Variants in DPP6 observed in about 807,000 individuals in gnomAD.
The protein encoded by DPP6 is A-type potassium channel modulatory protein DPP6.
Under a neutral mutation model 122.6 loss-of-function variants are expected in DPP6, and 69 were observed. The ratio of observed to expected loss-of-function variants is 0.56; its 90% CI spans 0.46 to 0.69. DPP6 has a LOEUF of 0.69. Ranked by LOEUF, DPP6 falls within the 30% of genes least tolerant of loss-of-function variation. The pLI, the probability that DPP6 is intolerant of heterozygous loss-of-function variation, is 0.00. For missense variants in DPP6, 928 were observed against 1,116.9 expected (o/e 0.83, Z 2.41); for synonymous variants, 418 against 433.1 (o/e 0.97, Z 0.43).
At chr7:154,719,817 T>C (rs1841701263) in intron 7 of DPP6, among the ~76,000 whole-genome samples, 1 of 152,222 alleles carries the variant, frequency 6.6e-6, no homozygotes, top group African/African-American at 2.4e-5. Context: ...CTTCTGAGGC[T>C]GTGCCGATTG....
chr7:154,049,851 C>T (rs894569855), upstream of DPP6, among the ~76,000 whole-genome samples: 7 of 151,814 alleles, frequency 4.6e-5, no homozygotes, highest in South Asian at 4.2e-4. Flanking sequence ...TCCCAAAGTG[C>T]TGGGATTACA....
At chr7:154,120,403 C>T (rs376254365) in intron 1 of DPP6, among the ~76,000 whole-genome samples, 2 of 152,052 alleles carry the variant, frequency 1.3e-5, no homozygotes, top group East Asian at 3.9e-4. Context: ...CGCCACCATG[C>T]CCAGCTAATT....
intron 3 of DPP6, among the ~76,000 whole-genome samples, chr7:154,507,754 G>A (rs1225149092): frequency 3.3e-5 from 5 of 152,142 alleles, no homozygotes; most frequent in Non-Finnish European, 5.9e-5. Context: ...GTGTCTGAAT[G>A]TATCGATCAA....
chr7:154,509,013 C>T (rs778388935), intron 3 of DPP6, among the ~76,000 whole-genome samples: 1 of 151,994 alleles, frequency 6.6e-6, no homozygotes, highest in Non-Finnish European at 1.5e-5. Flanking sequence ...AATGTAAGAG[C>T]TAAAACTAAA....
chr7:154,871,059 G>C (rs369011108), intron 18 of DPP6, among the ~76,000 whole-genome samples: 2 of 151,658 alleles, frequency 1.3e-5, no homozygotes, highest in African/African-American at 4.8e-5. Context: ...TTCTCAGCTC[G>C]AGGCTCCTCC....
chr7:154,812,737 T>C (rs796829983), intron 16 of DPP6, among the ~76,000 whole-genome samples: 8 of 152,322 alleles, frequency 5.3e-5, no homozygotes, highest in African/African-American at 1.9e-4. Flanking sequence ...ATTGTAATCA[T>C]AGCTGATTGT....
chr7:154,304,721 A>G (rs1327313429), intron 1 of DPP6, among the ~76,000 whole-genome samples: 1 of 152,212 alleles, frequency 6.6e-6, no homozygotes, highest in Non-Finnish European at 1.5e-5. Context: ...CAAGATTTCA[A>G]CAACCAGTGT....
chr7:153,960,729 G>GTA (rs1795313623), intron 1 of DPP6, among the ~76,000 whole-genome samples: 1 of 149,896 alleles, frequency 6.7e-6, no homozygotes, highest in Non-Finnish European at 1.5e-5. Context: ...GTGTGTGTGT[G>GTA]TGCATATTTG....
At chr7:154,508,641 G>A (rs1825836329) in intron 3 of DPP6, among the ~76,000 whole-genome samples, 1 of 152,188 alleles carries the variant, frequency 6.6e-6, no homozygotes, top group Non-Finnish European at 1.5e-5. Flanking sequence ...ACCAGTGCAT[G>A]TCACTTCTGC....
intron 1 of DPP6, among the ~76,000 whole-genome samples, chr7:154,070,529 T>C (rs1335912310): frequency 1.3e-5 from 2 of 152,198 alleles, no homozygotes; most frequent in Non-Finnish European, 2.9e-5. Context: ...GCCTCTAATA[T>C]ACATGCTGTC....
In DPP6 at chr7:154,127,616, CACACACACACACACACAG is replaced by C. The variant is rs1161088161; in HGVS notation, c.243+74589_243+74606del. Among the ~76,000 whole-genome samples the C allele has an allele frequency of 8.0e-5, 9 of 113,108 alleles. No homozygotes were observed. In the South Asian group the frequency reaches 1.2e-3, roughly 15 times the overall value. 74.2% of individuals were successfully genotyped at this position (113,108 alleles called of 152,430 possible). On this transcript the variant is annotated intron_variant, in intron 1 of 25. Coordinates refer to ENST00000377770, the MANE Select transcript of DPP6 (RefSeq NM_130797.4). ...AGCATCTCACACACACACACACACA[CACACACACACACACACAG>C]ACACACACACACACACAGACACACA... is the stretch of plus-strand genomic sequence containing the variant.
Position 154,821,645 on chromosome 7 carries a change from TACAC to T in DPP6, c.1666+14535_1666+14538del, listed in dbSNP as rs751605723. On this transcript the variant is annotated intron_variant, in intron 16 of 25. Coordinates refer to ENST00000377770, the MANE Select transcript of DPP6 (RefSeq NM_130797.4). This position sits in a 1 kb window ranked among gnomAD's most constrained non-coding sequence, Gnocchi z 4.2. ...TTTTTTCTGTATATATATATATATATACACATATATATATATATACACATATATA... is the reference window on the plus strand; with the variant it reads ...TTTTTTCTGTATATATATATATATATATATATATATATATACACATATATA... Among the ~76,000 whole-genome samples, 43,941 of 114,712 alleles carry T rather than the reference TACAC, an allele frequency of 0.38. 7,438 individuals carry two copies. Among genetic ancestry groups the T allele is most frequent in the Admixed American group, 0.46 (5,823 of 12,666 alleles). 75.3% of individuals were successfully genotyped at this position (114,712 alleles called of 152,430 possible). A position where few individuals can be genotyped will look rare whatever the true frequency, so the allele number is the denominator to read the frequency against.
At chr7:154,302,435 T>C (rs951454629) in intron 1 of DPP6, among the ~76,000 whole-genome samples, 1 of 152,352 alleles carries the variant, frequency 6.6e-6, no homozygotes, top group African/African-American at 2.4e-5. Context: ...GGTACCAGAA[T>C]GTTCCAAGGA....
intron 1 of DPP6, among the ~76,000 whole-genome samples, chr7:154,313,716 C>CTCAT (rs1404245105): frequency 1.8e-4 from 4 of 22,310 alleles, no homozygotes; most frequent in African/African-American, 4.5e-4. Flanking sequence ...TATATATATA[C>CTCAT]ACACACACGC....
At chr7:154,058,199 T>TG (rs1215951347) in intron 1 of DPP6, 1 of 133,236 alleles carries the variant, frequency 7.5e-6, no homozygotes, top group South Asian at 2.5e-4. Flanking sequence ...ACTGCGAACC[T>TG]CCCCCTTTCC....
At chr7:154,448,669 T>C (rs1031251078) in intron 2 of DPP6, among the ~76,000 whole-genome samples, 2 of 152,318 alleles carry the variant, frequency 1.3e-5, no homozygotes, top group African/African-American at 4.8e-5. Context: ...TTTTAAAACT[T>C]ACTGTAAAGC....
intron 1 of DPP6, among the ~76,000 whole-genome samples, chr7:154,123,560 G>T (rs1203530945): frequency 1.3e-5 from 2 of 152,126 alleles, no homozygotes; most frequent in Non-Finnish European, 2.9e-5. Context: ...TGCCAGGGCT[G>T]CAAACATCAG....
the DPP6 span, among the ~76,000 whole-genome samples, chr7:153,828,195 C>T: frequency 0.4 from 61,110 of 151,972 alleles, 12,386 homozygotes; most frequent in African/African-American, 0.44. Context: ...GTGCAGTGTC[C>T]GAGAGGGCCT....
intron 16 of DPP6, among the ~76,000 whole-genome samples, chr7:154,853,424 A>C (rs1436113989): frequency 2.6e-5 from 4 of 152,274 alleles, no homozygotes; most frequent in African/African-American, 9.6e-5. Flanking sequence ...AATTTATAAG[A>C]ACCCATAAAG....
Sources: allele counts gnomAD v4.1 joint callset (sites outside exome capture counted in the v4.1 genomes callset), GRCh38; gene constraint gnomAD v4.1.1; non-coding constraint Gnocchi (gnomAD v3.1); transcripts MANE v1.5; gene names NCBI Gene and HGNC (gene_info 2026-07-23, HGNC 2026-07-21).